The following TMEM74 variants were observed in gnomAD, a reference collection of about 807,000 sequenced individuals.
TMEM74 encodes transmembrane protein 74.
In TMEM74, 13 loss-of-function variants were observed where a neutral mutation model predicts 18.1. That is an observed-to-expected ratio of 0.72 (90% CI 0.47 to 1.14). The LOEUF (loss-of-function observed/expected upper bound fraction) is 1.14, where lower values mean the gene tolerates loss of function less well. Among genes scored for constraint, TMEM74 ranks in the 50% most tolerant of loss-of-function variants. The probability of loss-of-function intolerance (pLI) is 0.00; values close to 1 mark genes in which losing one functional copy is unlikely to be tolerated. For missense variants in TMEM74, 372 were observed against 375.9 expected, an observed-to-expected ratio of 0.99 and a Z score of 0.09; for synonymous variants, 159 against 146.6, an observed-to-expected ratio of 1.08 and a Z score of -0.61.
chr8:108,672,837 G>A (rs1043322467), intron 1 of TMEM74, among the ~76,000 whole-genome samples: 27 of 152,192 alleles, frequency 1.8e-4, no homozygotes, highest in African/African-American at 5.8e-4. Flanking sequence ...GAACAGGTTA[G>A]CAAGACCAGT....
chr8:108,778,779 C>A (rs923973944), downstream of TMEM74, among the ~76,000 whole-genome samples: 2 of 152,126 alleles, frequency 1.3e-5, no homozygotes, highest in Non-Finnish European at 2.9e-5. Context: ...CACCTAAAAG[C>A]TTTCTAGACA....
At chr8:108,673,225 TCA>T (rs1449192467) in intron 1 of TMEM74, among the ~76,000 whole-genome samples, 5 of 152,218 alleles carry the variant, frequency 3.3e-5, no homozygotes, top group Admixed American at 1.3e-4. Context: ...TCTGTTATCC[TCA>T]CACACAGATC....
chr8:108,784,219 A>G lies in TMEM74; in HGVS notation c.880T>C (p.Ser294Pro). The change falls in exon 2 of 2, where the codon TCC becomes CCC. Residue 294 changes from serine to proline, a missense_variant. Coordinates refer to ENST00000297459, the MANE Select transcript of TMEM74 (RefSeq NM_153015.3). ...GCAAGCGCATCTTCCTCTACCAAGG[A>G]CAGTTCCAGAGTGTTTTCATTCGTG... ...TSTNENTLELSLVEEDALAVQ... is the reference protein window; with the variant it reads ...TSTNENTLELPLVEEDALAVQ... The G allele has an allele frequency of 6.2e-7, 1 of 1,613,960 alleles. No individual in the cohort carries two copies. Among genetic ancestry groups the G allele is most frequent in the Non-Finnish European group, 8.5e-7 (1 of 1,179,894 alleles).
chr8:108,652,611 A>G, intron 2 of TMEM74: 1 of 625,716 alleles, frequency 1.6e-6, no homozygotes, highest in Non-Finnish European at 3.0e-6. Context: ...GGGAAAAGAT[A>G]GTTGCAGTAA....
downstream of TMEM74, among the ~76,000 whole-genome samples, chr8:108,778,801 G>A (rs1405305497): frequency 6.6e-6 from 1 of 152,090 alleles, no homozygotes; most frequent in African/African-American, 2.4e-5. Flanking sequence ...TCAGATAAGT[G>A]TTTTTAAAAA....
chr8:108,671,010 G>A (rs1027515206), intron 1 of TMEM74, among the ~76,000 whole-genome samples: 3 of 152,234 alleles, frequency 2.0e-5, no homozygotes, highest in East Asian at 1.9e-4. Flanking sequence ...TGTTTTGAAA[G>A]TGAGTATACA....
chr8:108,748,911 G>A (rs1030509508), intron 1 of TMEM74, among the ~76,000 whole-genome samples: 1 of 152,088 alleles, frequency 6.6e-6, no homozygotes, highest in African/African-American at 2.4e-5. Flanking sequence ...TTGTAGGTTT[G>A]AGGTCTTATT....
At chr8:108,654,342 C>A (rs2130574183) in intron 2 of TMEM74, among the ~76,000 whole-genome samples, 1 of 152,108 alleles carries the variant, frequency 6.6e-6, no homozygotes, top group South Asian at 2.1e-4. Flanking sequence ...TTGTAAAATG[C>A]AAAATAGAAA....
intron 1 of TMEM74, among the ~76,000 whole-genome samples, chr8:108,767,252 G>A (rs1295539538): frequency 6.6e-6 from 1 of 152,142 alleles, no homozygotes; most frequent in Non-Finnish European, 1.5e-5. Flanking sequence ...AAAGAGTAGA[G>A]ATTCAGCAAT....
intron 1 of TMEM74, among the ~76,000 whole-genome samples, chr8:108,760,187 GGAGA>G (rs1181537099): frequency 6.9e-6 from 1 of 144,532 alleles, no homozygotes; most frequent in Non-Finnish European, 1.5e-5. Flanking sequence ...AGAGAGAGAG[GGAGA>G]GAGAGAGAGA....
chr8:108,617,718 G>A (rs190109555), intron 2 of TMEM74, among the ~76,000 whole-genome samples: 1 of 152,022 alleles, frequency 6.6e-6, no homozygotes, highest in East Asian at 1.9e-4. Context: ...AGGGAGATGT[G>A]GGGGAGAGAA....
chr8:108,610,366 A>G (rs1185330311), intron 2 of TMEM74, among the ~76,000 whole-genome samples: 1 of 152,206 alleles, frequency 6.6e-6, no homozygotes, highest in Non-Finnish European at 1.5e-5. Context: ...CATTCAATAA[A>G]TATTTATTAA....
At chr8:108,722,086 T>G (rs1240088528) in intron 1 of TMEM74, among the ~76,000 whole-genome samples, 3 of 152,228 alleles carry the variant, frequency 2.0e-5, no homozygotes, top group African/African-American at 7.2e-5. Flanking sequence ...TATTTTGTGG[T>G]TTTAGATCTT....
downstream of TMEM74, among the ~76,000 whole-genome samples, chr8:108,778,748 G>C (rs1286420963): frequency 6.6e-6 from 1 of 152,136 alleles, no homozygotes. Flanking sequence ...AGGTGCATAA[G>C]TTAATTTGAT....
chr8:108,773,817 A>C (rs1226588733), intron 1 of TMEM74, among the ~76,000 whole-genome samples: 1 of 152,196 alleles, frequency 6.6e-6, no homozygotes, highest in Admixed American at 6.5e-5. Flanking sequence ...AGTCGCAGGC[A>C]AGCCTTAAAA....
intron 1 of TMEM74, among the ~76,000 whole-genome samples, chr8:108,751,530 T>C (rs961761635): frequency 6.6e-6 from 1 of 152,098 alleles, no homozygotes; most frequent in African/African-American, 2.4e-5. Flanking sequence ...GAATCCAAGA[T>C]GGACATTGGT....
intron 2 of TMEM74, among the ~76,000 whole-genome samples, chr8:108,621,125 G>A (rs905357516): frequency 6.6e-6 from 1 of 152,176 alleles, no homozygotes; most frequent in African/African-American, 2.4e-5. Context: ...CCAAGACTAA[G>A]CCTTGGATAC....
chr8:108,769,336 C>CA (rs1254126135), intron 1 of TMEM74, among the ~76,000 whole-genome samples: 2 of 151,740 alleles, frequency 1.3e-5, no homozygotes, highest in East Asian at 1.9e-4. Context: ...TACACACACA[C>CA]AAAAAAAGTC....
At chr8:108,706,500 TGTACA>T (rs1483433910) in intron 1 of TMEM74, among the ~76,000 whole-genome samples, 1 of 152,222 alleles carries the variant, frequency 6.6e-6, no homozygotes, top group East Asian at 1.9e-4. Flanking sequence ...ATAATGTCAA[TGTACA>T]GTAAATGTTT....
Sources: allele counts gnomAD v4.1 joint callset (sites outside exome capture counted in the v4.1 genomes callset), GRCh38; gene constraint gnomAD v4.1.1; transcripts MANE v1.5; gene names NCBI Gene and HGNC (gene_info 2026-07-23, HGNC 2026-07-21).